Variants in KCNK10 observed in about 807,000 individuals in gnomAD.
The protein encoded by KCNK10 is potassium channel subfamily K member 10.
Under a neutral mutation model 47.7 loss-of-function variants are expected in KCNK10, and 25 were observed. The ratio of observed to expected loss-of-function variants is 0.52; its 90% confidence interval spans 0.38 to 0.73. The LOEUF is 0.73. KCNK10 is among the 30% of genes least tolerant of loss of function. The pLI is 0.00. For synonymous variants in KCNK10, 303 were observed against 285.6 expected, an observed-to-expected ratio of 1.06 and a Z score of -0.61; for missense variants, 563 against 714.5, an observed-to-expected ratio of 0.79 and a Z score of 2.42.
intron 2 of KCNK10, among the ~76,000 whole-genome samples, chr14:88,248,360 A>T (rs372432459): frequency 6.6e-6 from 1 of 152,200 alleles, no homozygotes; most frequent in African/African-American, 2.4e-5. Context: ...GGCTTCTGCT[A>T]TCTTGCTTTT....
intron 2 of KCNK10, among the ~76,000 whole-genome samples, chr14:88,246,592 C>CAAT (rs1319962466): frequency 5.9e-5 from 9 of 152,228 alleles, no homozygotes; most frequent in South Asian, 2.1e-4. Context: ...GGTGAGTTCA[C>CAAT]AATATTTCAA....
chr14:88,265,302 T>C (rs1396820373), intron 1 of KCNK10, among the ~76,000 whole-genome samples: 1 of 151,910 alleles, frequency 6.6e-6, no homozygotes, highest in Non-Finnish European at 1.5e-5. Flanking sequence ...TTGGGCTCAA[T>C]ATAATGACAA....
At chr14:88,199,167 G>A (rs1053089492) in intron 4 of KCNK10, among the ~76,000 whole-genome samples, 3 of 152,026 alleles carry the variant, frequency 2.0e-5, no homozygotes, top group Non-Finnish European at 2.9e-5. Flanking sequence ...TGATCCACCC[G>A]CCTCGGTCTG....
At chr14:88,302,302 A>G (rs111235483) in intron 1 of KCNK10, among the ~76,000 whole-genome samples, 2,201 of 152,330 alleles carry the variant, frequency 0.014, 47 homozygotes, top group African/African-American at 0.05. Flanking sequence ...AGGAGAACCT[A>G]CAGATCCTGA....
intron 1 of KCNK10, among the ~76,000 whole-genome samples, chr14:88,293,856 T>C (rs981509220): frequency 1.3e-5 from 2 of 151,902 alleles, no homozygotes; most frequent in African/African-American, 4.8e-5. Context: ...AAAAATAAAT[T>C]TTTTTAGAGA....
At chr14:88,285,313 T>C (rs1400673922) in intron 1 of KCNK10, among the ~76,000 whole-genome samples, 1 of 152,152 alleles carries the variant, frequency 6.6e-6, no homozygotes, top group Non-Finnish European at 1.5e-5. Context: ...GGTTTCGCCA[T>C]GTTGGCCGGG....
At chr14:88,293,662 G>A (rs536421113) in intron 1 of KCNK10, among the ~76,000 whole-genome samples, 1 of 151,640 alleles carries the variant, frequency 6.6e-6, no homozygotes, top group South Asian at 2.1e-4. Flanking sequence ...TTTCTTCTTA[G>A]CCTCCTTCTC....
chr14:88,250,841 T>C (rs1886773516), intron 2 of KCNK10, among the ~76,000 whole-genome samples: 1 of 151,900 alleles, frequency 6.6e-6, no homozygotes, highest in Non-Finnish European at 1.5e-5. Context: ...AGAAGTACTA[T>C]TGACAACCAG....
rs899612663 is a variant in KCNK10, at chr14:88,323,226, T to TCCCGCACACACACA, written c.-442_-429dup. On this transcript the variant is annotated 5_prime_UTR_variant, in exon 1 of 7. Transcript: ENST00000319231. ...CCCCCGAAGGCGTGTGCGCACACAC[T>TCCCGCACACACACA]CCCGCACACACACACCCGCACACAC... is the stretch of plus-strand genomic sequence containing the variant. 2.0e-6 allele frequency: 2 copies of TCCCGCACACACACA among 1,012,664 alleles called. No individual in the cohort carries two copies. Among genetic ancestry groups the TCCCGCACACACACA allele is most frequent in the Non-Finnish European group, 2.4e-6 (2 of 846,470 alleles). The allele number at this position is 1,012,664 out of a possible 1,614,324, so 62.7% of individuals were successfully genotyped here.
chr14:88,278,237 T>C (rs979193331), intron 1 of KCNK10, among the ~76,000 whole-genome samples: 3 of 152,142 alleles, frequency 2.0e-5, no homozygotes, highest in Admixed American at 6.5e-5. Context: ...TCTGCTAAGC[T>C]GCTATACTGG....
intron 1 of KCNK10, among the ~76,000 whole-genome samples, chr14:88,281,525 C>A (rs780597729): frequency 3.9e-5 from 6 of 151,956 alleles, no homozygotes; most frequent in Non-Finnish European, 8.8e-5. Flanking sequence ...TTCTTCCTGC[C>A]TTTGGACCTG....
chr14:88,314,750 A>G (rs552272911), intron 1 of KCNK10, among the ~76,000 whole-genome samples: 25 of 152,296 alleles, frequency 1.6e-4, no homozygotes, highest in African/African-American at 5.8e-4. Flanking sequence ...TGCAACTGTG[A>G]GAACAGCACA....
intron 4 of KCNK10, among the ~76,000 whole-genome samples, chr14:88,218,306 G>A (rs1199014415): frequency 1.3e-5 from 2 of 152,246 alleles, no homozygotes; most frequent in South Asian, 2.1e-4. Context: ...GCCTGCAGGA[G>A]TCTTTGGCTT....
intron 1 of KCNK10, among the ~76,000 whole-genome samples, chr14:88,294,213 G>A (rs115670561): frequency 0.011 from 1,682 of 152,324 alleles, 41 homozygotes; most frequent in African/African-American, 0.039. Context: ...ATTAAAGAAT[G>A]AGTATCTGAC....
intron 1 of KCNK10, among the ~76,000 whole-genome samples, chr14:88,279,138 A>G (rs1295306197): frequency 1.3e-5 from 2 of 152,176 alleles, no homozygotes; most frequent in African/African-American, 4.8e-5. Flanking sequence ...AACAGCTGCT[A>G]ATTTTCCCCA....
chr14:88,266,955 T>G (rs1887274673), intron 1 of KCNK10, among the ~76,000 whole-genome samples: 1 of 152,172 alleles, frequency 6.6e-6, no homozygotes, highest in Non-Finnish European at 1.5e-5. Context: ...TGGTGCCAGT[T>G]TGCGAAGAGA....
intron 2 of KCNK10, among the ~76,000 whole-genome samples, chr14:88,250,926 G>C (rs1321199619): frequency 6.6e-6 from 1 of 152,032 alleles, no homozygotes; most frequent in East Asian, 1.9e-4. Flanking sequence ...CTAAATGAAG[G>C]GCTCTTGGTC....
upstream of KCNK10, chr14:88,326,544 G>A (rs376796731): frequency 5.2e-4 from 492 of 953,324 alleles, 2 homozygotes; most frequent in African/African-American, 7.3e-3. Flanking sequence ...TAAGTCTGGT[G>A]GAAAGAGACT....
intron 4 of KCNK10, among the ~76,000 whole-genome samples, chr14:88,197,418 CA>C (rs1475971063): frequency 2.0e-5 from 3 of 151,230 alleles, no homozygotes; most frequent in Non-Finnish European, 4.4e-5. Context: ...CTAAAAAATA[CA>C]AAAATTAGCT....
Sources: allele counts gnomAD v4.1 joint callset (sites outside exome capture counted in the v4.1 genomes callset), GRCh38; gene constraint gnomAD v4.1.1; transcripts MANE v1.5; gene names NCBI Gene and HGNC (gene_info 2026-07-23, HGNC 2026-07-21).